Variants in OR9Q1 observed in about 807,000 individuals in gnomAD.
OR9Q1 encodes the protein olfactory receptor 9Q1.
For synonymous variants in OR9Q1, 153 were observed against 148.6 expected, an observed-to-expected ratio of 1.03 and a Z score of -0.22; for missense variants, 374 against 378.8, an observed-to-expected ratio of 0.99 and a Z score of 0.11.
At chr11:58,089,204 C>T (rs1001999470) in intron 2 of OR9Q1, among the ~76,000 whole-genome samples, 3 of 151,614 alleles carry the variant, frequency 2.0e-5, no homozygotes, top group East Asian at 1.9e-4. Context: ...GTGTTTTAGT[C>T]GTTGAAGTCT....
intron 1 of OR9Q1, chr11:58,031,590 C>T: frequency 4.3e-6 from 7 of 1,614,044 alleles, no homozygotes; most frequent in Non-Finnish European, 5.9e-6. Flanking sequence ...GTGCTACTGG[C>T]CTCCTCTATG....
chr11:58,162,253 A>G (rs1325252691), intron 2 of OR9Q1, among the ~76,000 whole-genome samples: 4 of 152,238 alleles, frequency 2.6e-5, no homozygotes, highest in Non-Finnish European at 5.9e-5. Context: ...CTTCTCTGAG[A>G]AAATCACCTT....
intron 2 of OR9Q1, among the ~76,000 whole-genome samples, chr11:58,104,328 C>T (rs542288733): frequency 9.4e-4 from 138 of 147,406 alleles, no homozygotes; most frequent in Non-Finnish European, 1.4e-3. Context: ...GAGAGAAAGG[C>T]CAATTCTCAG....
chr11:58,140,253 G>A (rs907772536), intron 2 of OR9Q1, among the ~76,000 whole-genome samples: 3 of 152,148 alleles, frequency 2.0e-5, no homozygotes, highest in Non-Finnish European at 2.9e-5. Context: ...TCACTCTGAT[G>A]GTGGTTTCTT....
rs953924414 is a variant in OR9Q1 at position 58,112,980 on chromosome 11, C to T, written c.-15+57033C>T. On this transcript the variant is annotated intron_variant, in intron 2 of 2. Coordinates refer to ENST00000335397, the MANE Select transcript of OR9Q1 (RefSeq NM_001005212.4). ...CTCAGAGACCCAGGACTTATGGACA[C>T]ACAGAACCCTAGAGTTGGAGAGGAC... Among the ~76,000 whole-genome samples, 9 of 152,084 alleles carry T rather than the reference C, an allele frequency of 5.9e-5. No individual in the cohort carries two copies. The South Asian group carries it at 8.3e-4, about 14-fold the overall frequency.
chr11:58,128,260 A>C (rs1241901699), intron 2 of OR9Q1, among the ~76,000 whole-genome samples: 3 of 151,178 alleles, frequency 2.0e-5, no homozygotes, highest in African/African-American at 7.3e-5. Context: ...AAACTAAAAA[A>C]AAAAAAAAAA....
intron 2 of OR9Q1, among the ~76,000 whole-genome samples, chr11:58,127,141 A>T (rs1276885033): frequency 1.3e-5 from 2 of 151,956 alleles, no homozygotes; most frequent in Non-Finnish European, 2.9e-5. Context: ...GTAGAGACGG[A>T]GTTTCACCAT....
chr11:58,084,787 TAC>T (rs1287576696), intron 2 of OR9Q1, among the ~76,000 whole-genome samples: 3 of 151,760 alleles, frequency 2.0e-5, no homozygotes, highest in Non-Finnish European at 2.9e-5. Context: ...CAAAGGAACA[TAC>T]CTCAAAATAA....
chr11:58,040,510 A>G (rs569765025), intron 1 of OR9Q1, among the ~76,000 whole-genome samples: 2 of 152,310 alleles, frequency 1.3e-5, no homozygotes, highest in African/African-American at 4.8e-5. Context: ...TTTACCAATC[A>G]CGTATTCTGT....
intron 1 of OR9Q1, among the ~76,000 whole-genome samples, chr11:58,042,597 T>C (rs1853176558): frequency 1.3e-5 from 2 of 150,226 alleles, no homozygotes. Flanking sequence ...CCAGCTTTGT[T>C]CTTTTGGCTT....
intron 2 of OR9Q1, among the ~76,000 whole-genome samples, chr11:58,152,064 C>T (rs1462104535): frequency 1.3e-5 from 2 of 152,102 alleles, no homozygotes; most frequent in Non-Finnish European, 2.9e-5. Flanking sequence ...AGGAGAACAG[C>T]GGTCCTGAGT....
At chr11:58,124,804 G>T (rs562953899) in intron 2 of OR9Q1, among the ~76,000 whole-genome samples, 5 of 152,144 alleles carry the variant, frequency 3.3e-5, no homozygotes, top group African/African-American at 7.2e-5. Context: ...GAATCAACAC[G>T]CTGTGCTGCT....
chr11:58,039,088 C>T (rs1853134962), intron 1 of OR9Q1, among the ~76,000 whole-genome samples: 1 of 152,146 alleles, frequency 6.6e-6, no homozygotes, highest in Admixed American at 6.5e-5. Flanking sequence ...CTCCCAGTTT[C>T]AAGTGATTCT....
In OR9Q1 at chr11:58,062,571, C is replaced by T. The variant is rs543222862; in HGVS notation, c.-15+6624C>T. Among the ~76,000 whole-genome samples, 3 of 152,264 alleles carry T rather than the reference C, an allele frequency of 2.0e-5. No homozygotes were observed. The East Asian group carries it at 5.8e-4, about 29-fold the overall frequency. ...CTAGATCCCCTAAAAATTGAACTCA[C>T]TTAGGATGTAGGCATCTTCTCTCTA... On this transcript the variant is annotated intron_variant, in intron 2 of 2. Transcript: ENST00000335397.
chr11:58,161,153 T>A (rs913797169), intron 2 of OR9Q1, among the ~76,000 whole-genome samples: 17 of 151,516 alleles, frequency 1.1e-4, no homozygotes, highest in Non-Finnish European at 2.4e-4. Flanking sequence ...AAATGACGAG[T>A]TGATGGTGCA....
chr11:58,141,572 C>T (rs1364327858), intron 2 of OR9Q1, among the ~76,000 whole-genome samples: 1 of 152,148 alleles, frequency 6.6e-6, no homozygotes, highest in African/African-American at 2.4e-5. Flanking sequence ...ATGAGGCCCA[C>T]TTGATCATGG....
rs762467171 is a variant in OR9Q1, at chr11:58,179,927, C to T, written c.483C>T (p.Val161=). The T allele has an allele frequency of 4.3e-6, 7 of 1,614,050 alleles. No individual in the cohort carries two copies. The Admixed American group carries it at 1.2e-4, about 27-fold the overall frequency. ...TCATCAGTGCCTTGGTGCGGACAGTCTCAGCCTTCACTCTCTCCTTCTGTG... is the reference window on the plus strand; with the variant it reads ...TCATCAGTGCCTTGGTGCGGACAGTTTCAGCCTTCACTCTCTCCTTCTGTG... The part of the protein sequence containing the change: ...AGLISALVRT[V]SAFTLSFCGT... The change falls in exon 3 of 3, where the codon GTC becomes GTT. Residue 161 remains valine, a synonymous_variant. Transcript: ENST00000335397.
At chr11:58,075,033 G>A (rs544951270) in intron 2 of OR9Q1, among the ~76,000 whole-genome samples, 2 of 152,274 alleles carry the variant, frequency 1.3e-5, no homozygotes, top group Non-Finnish European at 2.9e-5. Flanking sequence ...TTGAAGTCAG[G>A]TAGCATGATG....
At chr11:58,040,203 T>G (rs543277970) in intron 1 of OR9Q1, among the ~76,000 whole-genome samples, 2 of 152,346 alleles carry the variant, frequency 1.3e-5, no homozygotes, top group African/African-American at 4.8e-5. Context: ...TTCCCTTATC[T>G]GTAAAAGGAC....
Sources: allele counts gnomAD v4.1 joint callset (sites outside exome capture counted in the v4.1 genomes callset), GRCh38; gene constraint gnomAD v4.1.1; transcripts MANE v1.5; gene names NCBI Gene and HGNC (gene_info 2026-07-23, HGNC 2026-07-21).